EOGT: variants seen among roughly 807,000 people sequenced by gnomAD.
EOGT encodes the protein EGF domain specific O-linked N-acetylglucosamine transferase.
EOGT carries 55 observed loss-of-function variants against 70.5 expected under a neutral mutation model. The observed-to-expected ratio is 0.78, with a 90% confidence interval of 0.63 to 0.98. The LOEUF (loss-of-function observed/expected upper bound fraction) is 0.98. Among genes scored for constraint, EOGT ranks in the 50% least tolerant of loss-of-function variants. The probability of loss-of-function intolerance (pLI) is 0.00; values close to 1 mark genes in which losing one functional copy is unlikely to be tolerated. For synonymous variants in EOGT, 246 were observed against 217.1 expected (o/e 1.13, Z -1.17); for missense variants, 703 against 641.9 (o/e 1.10, Z -1.03).
At chr3:69,004,527 A>C (rs757722028) in intron 7 of EOGT, 45 bp from the exon 8 acceptor site, 1 of 1,380,800 alleles carries the variant, frequency 7.2e-7, no homozygotes, top group Non-Finnish European at 1.0e-6. Flanking sequence ...AAACGTCTTC[A>C]TGACCCAAGC....
In EOGT at chr3:68,988,932, G is replaced by A. The variant is rs968472213; in HGVS notation, c.917C>T (p.Ser306Phe). The A allele has an allele frequency of 2.8e-5, 42 of 1,510,668 alleles. No homozygotes were observed. The highest frequency in any genetic ancestry group is 3.5e-5 in the Non-Finnish European group (40 of 1,129,112). The allele number at this position is 1,510,668 out of a possible 1,614,324, so 93.6% of individuals were successfully genotyped here. ...YDVIHLKTYD[S>F]KRVCFKEAVF... The stretch of plus-strand genomic sequence containing the variant: ...CAGGAAAATTTCCAGTACCCTTTTG[G>A]AATCATAAGTTTTCAAATGTATAAC... The change falls in exon 11 of 18, where the codon TCC (serine) becomes TTC (phenylalanine). Residue 306 changes from serine (S) to phenylalanine (F), a missense_variant. Physicochemically the swap from Ser to Phe is radical, Grantham distance 155 (BLOSUM62 -2). Transcript: ENST00000383701.
chr3:69,005,133 A>G lies in EOGT; in HGVS notation c.515+7T>C. On this transcript the variant is annotated splice_region_variant and intron_variant, in intron 7 of 17. Transcript: ENST00000383701. Reference sequence around the variant, plus strand: ...ATACTAGATGTTAACATTAACCACTAAAGTACCTGTCATGATTTCTCTTGA... The same window carrying G: ...ATACTAGATGTTAACATTAACCACTGAAGTACCTGTCATGATTTCTCTTGA... 2.0e-6 allele frequency: 3 copies of G among 1,478,316 alleles called. No homozygotes were observed. Among genetic ancestry groups the G allele is most frequent in the Non-Finnish European group, 2.8e-6 (3 of 1,065,504 alleles). The allele number at this position is 1,478,316 out of a possible 1,614,324, so 91.6% of individuals were successfully genotyped here.
intron 14 of EOGT, among the ~76,000 whole-genome samples, chr3:68,983,564 A>G (rs962786261): frequency 6.6e-6 from 1 of 152,242 alleles, no homozygotes; most frequent in Non-Finnish European, 1.5e-5. Flanking sequence ...CATGCACTGC[A>G]CTGCAACAGC....
At chr3:68,997,589 G>A (rs1008854194) in intron 10 of EOGT, among the ~76,000 whole-genome samples, 6 of 152,000 alleles carry the variant, frequency 3.9e-5, no homozygotes, top group Middle Eastern at 3.2e-3. Context: ...GGCTAGTCTC[G>A]AACTCCTGGC....
intron 10 of EOGT, among the ~76,000 whole-genome samples, chr3:68,990,414 G>A (rs958758665): frequency 2.1e-5 from 3 of 140,528 alleles, no homozygotes; most frequent in Non-Finnish European, 3.0e-5. Context: ...GTGCCATGTC[G>A]TGATCTGGGC....
chr3:69,010,371 T>C (rs925277269), intron 3 of EOGT, among the ~76,000 whole-genome samples: 15 of 152,322 alleles, frequency 9.8e-5, no homozygotes, highest in Non-Finnish European at 2.9e-5. Context: ...CTTACAAAAA[T>C]TATGGAAGGG....
At chr3:68,981,343 G>T (rs1444180808) in intron 15 of EOGT, among the ~76,000 whole-genome samples, 1 of 152,174 alleles carries the variant, frequency 6.6e-6, no homozygotes, top group Non-Finnish European at 1.5e-5. Context: ...TTGCACAAAT[G>T]AACTAATGTA....
intron 10 of EOGT, 92 bp downstream of exon 10, chr3:68,997,919 T>C: frequency 1.4e-6 from 1 of 740,518 alleles, no homozygotes; most frequent in Non-Finnish European, 2.3e-6. Context: ...TTGAAATATA[T>C]GTGTCTTTGA....
chr3:68,988,489 G>T lies in EOGT; in HGVS notation c.996+17C>A, dbSNP rs1216226236. ...ATGTCTGTAAATATGAATGCTAATGGTAGACAATGTGCTTACCAGAGGAGT... is the reference window on the plus strand; with the variant it reads ...ATGTCTGTAAATATGAATGCTAATGTTAGACAATGTGCTTACCAGAGGAGT... On this transcript the variant is annotated intron_variant, in intron 12 of 17. Coordinates refer to ENST00000383701, the MANE Select transcript of EOGT (RefSeq NM_001278689.2). The T allele has an allele frequency of 6.6e-7, 1 of 1,519,724 alleles. No individual in the cohort carries two copies. Among genetic ancestry groups the T allele is most frequent in the African/African-American group, 1.4e-5 (1 of 72,646 alleles). 94.1% of individuals were successfully genotyped at this position (1,519,724 alleles called of 1,614,324 possible).
chr3:68,984,413 G>A (rs1249755547), intron 14 of EOGT, among the ~76,000 whole-genome samples: 1 of 152,136 alleles, frequency 6.6e-6, no homozygotes, highest in African/African-American at 2.4e-5. Context: ...TGTGCTGACG[G>A]TCTCAGGGCA....
At chr3:69,003,403 A>G (rs1162214903) in intron 8 of EOGT, among the ~76,000 whole-genome samples, 2 of 152,098 alleles carry the variant, frequency 1.3e-5, no homozygotes, top group East Asian at 3.9e-4. Flanking sequence ...TAACTGAATC[A>G]TGGGGGTGGG....
chr3:68,979,771 C>A lies in EOGT; in HGVS notation c.1231G>T (p.Asp411Tyr). The change falls in exon 16 of 18, where the codon GAT (aspartate) becomes TAT (tyrosine). Residue 411 changes from aspartate (D) to tyrosine (Y), a missense_variant. Coordinates refer to ENST00000383701, the MANE Select transcript of EOGT (RefSeq NM_001278689.2). Reference sequence around the variant, plus strand: ...GTGTTGTGTGTGATCCTTAGTTGATCTAAAAACCCAAGTTCTCTGTGAACA... The same window carrying A: ...GTGTTGTGTGTGATCCTTAGTTGATATAAAAACCCAAGTTCTCTGTGAACA... ...DYKYRELGFLDQLRITHNTDI... is the reference protein window; with the variant it reads ...DYKYRELGFLYQLRITHNTDI... 6.2e-7 allele frequency: 1 copy of A among 1,613,392 alleles called. No homozygotes were observed. The highest frequency in any genetic ancestry group is 1.1e-5 in the South Asian group (1 of 91,022).
At chr3:69,011,193 C>CTTTTTTTTTTTTTTTTTTTTT (rs57904466) in intron 3 of EOGT, among the ~76,000 whole-genome samples, 1 of 113,298 alleles carries the variant, frequency 8.8e-6, no homozygotes, top group Non-Finnish European at 1.7e-5. Flanking sequence ...GATCTTTGTT[C>CTTTTTTTTTTTTTTTTTTTTT]TTTTTTTTTT....
intron 1 of EOGT, 79 bp downstream of exon 1, chr3:69,013,495 C>G (rs999675956): frequency 1.3e-5 from 2 of 152,482 alleles, no homozygotes. Context: ...GGCTACCACC[C>G]GGGCAAGAAC....
intron 14 of EOGT, among the ~76,000 whole-genome samples, chr3:68,986,446 C>A (rs1187050677): frequency 1.8e-4 from 28 of 152,178 alleles, no homozygotes; most frequent in African/African-American, 6.8e-4. Context: ...GTCTAGGAGG[C>A]TGATACGATC....
chr3:68,984,345 T>C (rs970318273), intron 14 of EOGT, among the ~76,000 whole-genome samples: 15 of 152,310 alleles, frequency 9.8e-5, no homozygotes, highest in Admixed American at 3.3e-4. Flanking sequence ...ACAGGAGAGA[T>C]GGCAGATGGC....
intron 10 of EOGT, among the ~76,000 whole-genome samples, chr3:68,993,562 C>T (rs1336044780): frequency 6.6e-6 from 1 of 152,164 alleles, no homozygotes; most frequent in African/African-American, 2.4e-5. Context: ...ATTTTCCTGT[C>T]GTCTTCTGAG....
intron 10 of EOGT, among the ~76,000 whole-genome samples, chr3:68,995,124 G>A (rs1160666168): frequency 6.6e-6 from 1 of 152,120 alleles, no homozygotes; most frequent in African/African-American, 2.4e-5. Flanking sequence ...GCTCTTCCCT[G>A]GGCAAACTGC....
chr3:68,987,203 T>G (rs1472682681), intron 14 of EOGT, among the ~76,000 whole-genome samples: 1 of 152,210 alleles, frequency 6.6e-6, no homozygotes, highest in East Asian at 1.9e-4. Flanking sequence ...TTCTGACAGC[T>G]TTTTCCATGC....
Sources: allele counts gnomAD v4.1 joint callset (sites outside exome capture counted in the v4.1 genomes callset), GRCh38; gene constraint gnomAD v4.1.1; transcripts MANE v1.5; gene names NCBI Gene and HGNC (gene_info 2026-07-23, HGNC 2026-07-21).